KANK3: variants seen among roughly 807,000 people sequenced by gnomAD.
KANK3 encodes KN motif and ankyrin repeat domain-containing protein 3.
In KANK3, 61 loss-of-function variants were observed where a neutral mutation model predicts 65.4. The ratio of observed to expected loss-of-function variants is 0.93; its 90% confidence interval spans 0.76 to 1.15. The LOEUF (loss-of-function observed/expected upper bound fraction) is 1.15. Among genes scored for constraint, KANK3 ranks in the 50% most tolerant of loss-of-function variants. The probability of loss-of-function intolerance (pLI) is 0.00; values close to 1 mark genes in which losing one functional copy is unlikely to be tolerated. For missense variants in KANK3, 1,187 were observed against 1,178.8 expected (o/e 1.01, Z -0.10); for synonymous variants, 586 against 543.3 (o/e 1.08, Z -1.09).
At position 8,325,132 on chromosome 19, in the gene KANK3, A is replaced by G. The variant is rs529930137; in HGVS notation, c.1937-36T>C. 40 of 1,583,644 alleles carry G rather than the reference A, an allele frequency of 2.5e-5. No individual in the cohort carries two copies. In the South Asian group the frequency reaches 4.2e-4, roughly 17 times the overall value. ...AAAGGGGGCCGTCCACGGAGATGCCAACACCGCGGCCCGACTTGATCCACT... is the reference window on the plus strand; with the variant it reads ...AAAGGGGGCCGTCCACGGAGATGCCGACACCGCGGCCCGACTTGATCCACT... On this transcript the variant is annotated intron_variant, in intron 7 of 10. Coordinates refer to ENST00000330915, the MANE Select transcript of KANK3 (RefSeq NM_198471.3).
Position 8,335,649 on chromosome 19 carries a change from C to T in KANK3, c.178G>A (p.Ala60Thr). ...KYIEELERGPAARRAPGPPTS... is the reference protein window; with the variant it reads ...KYIEELERGPTARRAPGPPTS... Reference sequence around the variant, plus strand: ...GGGGGTCCCGGGGCGCGGCGGGCAGCGGGGCCACGCTCCAGCTCCTCTATG... The same window carrying T: ...GGGGGTCCCGGGGCGCGGCGGGCAGTGGGGCCACGCTCCAGCTCCTCTATG... Residue 60 changes from alanine to threonine, a missense_variant, in exon 3 of 11, where the codon GCT becomes ACT. Ala to Thr is a moderately conservative substitution (Grantham distance 58). Transcript: ENST00000330915. 1 of 1,247,590 alleles carries T rather than the reference C, an allele frequency of 8.0e-7. No individual in the cohort carries two copies. The highest frequency in any genetic ancestry group is 1.0e-6 in the Non-Finnish European group (1 of 993,166). 77.3% of individuals were successfully genotyped at this position (1,247,590 alleles called of 1,614,324 possible).
chr19:8,338,276 C>G lies in KANK3; in HGVS notation c.-28-420G>C, dbSNP rs908176043. On this transcript the variant is annotated intron_variant, in intron 1 of 10. Coordinates refer to ENST00000330915, the MANE Select transcript of KANK3 (RefSeq NM_198471.3). ...ACCTCAAGTTATCCGCCTGCCTCGACCTCCCAAAGTACTGGGATTATAGGC... is the reference window on the plus strand; with the variant it reads ...ACCTCAAGTTATCCGCCTGCCTCGAGCTCCCAAAGTACTGGGATTATAGGC... Among the ~76,000 whole-genome samples the G allele has an allele frequency of 5.3e-5, 8 of 151,948 alleles. No homozygotes were observed. The East Asian group carries it at 5.8e-4, about 11-fold the overall frequency.
rs4147653 is a variant in KANK3, at chr19:8,322,735, TAGCCTCTG to T, written c.*96_*103del. 166,946 of 856,662 alleles carry T rather than the reference TAGCCTCTG, an allele frequency of 0.19. 16,675 individuals carry two copies. Among genetic ancestry groups the T allele is most frequent in the Non-Finnish European group, 0.23 (125,861 of 543,706 alleles). 53.1% of individuals were successfully genotyped at this position (856,662 alleles called of 1,614,324 possible). A position where few individuals can be genotyped will look rare whatever the true frequency, so the allele number is the denominator to read the frequency against. The stretch of plus-strand genomic sequence containing the variant: ...AATTGCCTTTCTCTTCGGCCAGTGT[TAGCCTCTG>T]AGCAGGGGACCCTGGACCCTTCTGT... On this transcript the variant is annotated 3_prime_UTR_variant, in exon 11 of 11. Transcript: ENST00000330915.
At chr19:8,332,987 T>TTGGGGCCCC in intron 7 of KANK3, 27 bp downstream of exon 7, 5 of 395,198 alleles carry the variant, frequency 1.3e-5, no homozygotes, top group Non-Finnish European at 1.9e-5. Context: ...TTTCCTGGTG[T>TTGGGGCCCC]CCCACCCACC....
In KANK3 at chr19:8,337,824, G is replaced by A. The variant is rs1970668704; in HGVS notation, c.5C>T (p.Ala2Val). The change falls in exon 2 of 11, where the codon GCC (alanine) becomes GTC (valine). Residue 2 changes from alanine (A) to valine (V), a missense_variant. Around this residue, in one of 3 missense-constraint regions of KANK3, gnomAD observed 104 missense variants for 122.1 expected, o/e 0.85. Transcript: ENST00000330915. ...CAGGTTCTGATTCAGGGCAAACTTGGCCATGTTTCCTGCAGCAGCTGTCAG... is the reference window on the plus strand; with the variant it reads ...CAGGTTCTGATTCAGGGCAAACTTGACCATGTTTCCTGCAGCAGCTGTCAG... Reference protein sequence around the residue: MAKFALNQNLPD... With the variant: MVKFALNQNLPD... The A allele has an allele frequency of 1.2e-5, 19 of 1,613,440 alleles. No individual in the cohort carries two copies. The highest frequency in any genetic ancestry group is 1.6e-5 in the Non-Finnish European group (19 of 1,179,994).
At chr19:8,325,981 C>T (rs1184054197) in intron 7 of KANK3, among the ~76,000 whole-genome samples, 2 of 152,144 alleles carry the variant, frequency 1.3e-5, no homozygotes, top group African/African-American at 2.4e-5. Context: ...CATGCACCAC[C>T]ACGCCCAGCT....
At chr19:8,322,982 A>C in intron 10 of KANK3, 60 bp from the exon 11 acceptor site, 1 of 981,884 alleles carries the variant, frequency 1.0e-6, no homozygotes, top group East Asian at 2.8e-5. Flanking sequence ...GAAACGTGGG[A>C]TTCAGCCCCA....
At position 8,334,047 on chromosome 19, in the gene KANK3, G is replaced by A. The variant is rs1404064545; in HGVS notation, c.1497C>T (p.Pro499=). 4.5e-6 allele frequency: 7 copies of A among 1,541,418 alleles called. No individual in the cohort carries two copies. Among genetic ancestry groups the A allele is most frequent in the Non-Finnish European group, 6.1e-6 (7 of 1,148,664 alleles). The change falls in exon 5 of 11, where the codon CCC becomes CCT. Residue 499 remains proline, a synonymous_variant. Transcript: ENST00000330915. The stretch of plus-strand genomic sequence containing the variant: ...CCCCGGAGCCCGAGGAGCTACCCGG[G>A]GGCTCGGCGCCACCGTTCTCGCTGT... ...DGDSENGGAE[P]PGSSSGSGDD... is the part of the protein sequence containing the mutation.
intron 7 of KANK3, among the ~76,000 whole-genome samples, chr19:8,332,151 G>A (rs1400515587): frequency 2.0e-5 from 3 of 151,012 alleles, no homozygotes; most frequent in Admixed American, 6.6e-5. Context: ...CCACCACCAC[G>A]CCCAGCTAGT....
chr19:8,329,714 C>G (rs1970492669), intron 7 of KANK3, among the ~76,000 whole-genome samples: 2 of 152,050 alleles, frequency 1.3e-5, no homozygotes, highest in Admixed American at 1.3e-4. Context: ...GCAAGTGGGG[C>G]ACCTGCAGAC....
Position 8,333,729 on chromosome 19 carries a change from C to G in KANK3, c.1714G>C (p.Asp572His). The G allele has an allele frequency of 1.4e-6, 2 of 1,459,510 alleles. No homozygotes were observed. The highest frequency in any genetic ancestry group is 2.5e-5 in the Admixed American group (1 of 39,376). The allele number at this position is 1,459,510 out of a possible 1,614,324, so 90.4% of individuals were successfully genotyped here. The change falls in exon 6 of 11, where the codon GAC (aspartate) becomes CAC (histidine). Residue 572 changes from aspartate (D) to histidine (H), a missense_variant. Physicochemically the swap from Asp to His is moderately conservative, Grantham distance 81. Transcript: ENST00000330915. This position sits in a 1 kb window ranked among gnomAD's most constrained non-coding sequence, Gnocchi z 5.0. ...TGCGCTCCCGGGGCACTCACGCCGTCGCTGGCTACTCCGCGGGGCCGGCTC... is the reference window on the plus strand; with the variant it reads ...TGCGCTCCCGGGGCACTCACGCCGTGGCTGGCTACTCCGCGGGGCCGGCTC... ...QLSRPRGVASDGGAVRLVAQE... is the reference protein window; with the variant it reads ...QLSRPRGVASHGGAVRLVAQE...
intron 1 of KANK3, among the ~76,000 whole-genome samples, chr19:8,339,963 C>CAAAAAA (rs59020478): frequency 3.4e-4 from 33 of 95,724 alleles, no homozygotes; most frequent in Non-Finnish European, 3.8e-4. Flanking sequence ...GACCTTGTCT[C>CAAAAAA]AAAAAAAAAA....
intron 1 of KANK3, among the ~76,000 whole-genome samples, chr19:8,338,735 C>T (rs902943126): frequency 1.5e-4 from 22 of 151,696 alleles, no homozygotes; most frequent in Non-Finnish European, 2.9e-4. Context: ...AGTAGCCGGG[C>T]GTGGTGGCAG....
At chr19:8,329,186 AAG>A (rs1357364985) in intron 7 of KANK3, among the ~76,000 whole-genome samples, 1 of 149,128 alleles carries the variant, frequency 6.7e-6, no homozygotes, top group African/African-American at 2.5e-5. Context: ...AAAAAAAAAA[AAG>A]GAAATTGACA....
chr19:8,328,387 CCACACACACACACACACACACACACACA>C (rs55963090), intron 7 of KANK3, among the ~76,000 whole-genome samples: 8 of 145,104 alleles, frequency 5.5e-5, no homozygotes, highest in African/African-American at 2.0e-4. Flanking sequence ...ACCACCCCCA[CCACACACACACACACACACACACACACA>C]CACACACACA....
rs1289370362 is a variant in KANK3 at position 8,333,989 on chromosome 19, G to A, written c.1555C>T (p.Pro519Ser). 1.9e-6 allele frequency: 3 copies of A among 1,564,056 alleles called. No individual in the cohort carries two copies. The highest frequency in any genetic ancestry group is 2.7e-5 in the African/African-American group (2 of 73,790). The change falls in exon 5 of 11, where the codon CCT becomes TCT. Residue 519 changes from proline (P) to serine (S), a missense_variant. This residue lies in a region of KANK3 where 1,078 missense variants were observed against 1,038.2 expected (regional missense o/e 1.04). Transcript: ENST00000330915. The surrounding 1 kb of genome is among the most constrained non-coding windows in gnomAD (Gnocchi z 5.0). ...DSGGGSDSGT[P>S]GPPSGGDIRD... ...ATGTCCCCGCCGCTGGGAGGGCCAGGGGTGCCCGAGTCGGATCCCCCGCCG... is the reference window on the plus strand; with the variant it reads ...ATGTCCCCGCCGCTGGGAGGGCCAGAGGTGCCCGAGTCGGATCCCCCGCCG...
chr19:8,337,589 G>T (rs2017507), intron 2 of KANK3, among the ~76,000 whole-genome samples: 20,829 of 151,930 alleles, frequency 0.14, 1,630 homozygotes, highest in Middle Eastern at 0.22. Flanking sequence ...CAAGTGATCC[G>T]CCCACCGTGG....
At chr19:8,327,026 T>G (rs1970441078) in intron 7 of KANK3, among the ~76,000 whole-genome samples, 1 of 152,124 alleles carries the variant, frequency 6.6e-6, no homozygotes, top group Admixed American at 6.6e-5. Flanking sequence ...TGATATTTCC[T>G]GGAGTGGCTG....
chr19:8,325,686 T>C (rs949617527), intron 7 of KANK3, among the ~76,000 whole-genome samples: 2 of 152,250 alleles, frequency 1.3e-5, no homozygotes, highest in East Asian at 3.9e-4. Flanking sequence ...CAGTTAAACA[T>C]TTGTTGACTG....
Sources: gnomAD v4.1 joint callset for allele counts (sites outside exome capture counted in the v4.1 genomes callset) on GRCh38, gnomAD v4.1.1 for gene constraint, gnomAD v4.1.1 regional missense constraint, Gnocchi (gnomAD v3.1) non-coding constraint, MANE v1.5 for transcripts, NCBI Gene and HGNC (gene_info 2026-07-23, HGNC 2026-07-21) for gene names.